SEMA3E: variants seen among roughly 807,000 people sequenced by gnomAD.
The protein encoded by SEMA3E is semaphorin 3E, also known as semaphorin-3E.
In SEMA3E, 49 loss-of-function variants were observed where a neutral mutation model predicts 93.6. The ratio of observed to expected loss-of-function variants is 0.52; its 90% CI spans 0.42 to 0.66. SEMA3E has a LOEUF of 0.66. Among genes scored for constraint, SEMA3E ranks in the 30% least tolerant of loss-of-function variants. The pLI, the probability that SEMA3E is intolerant of heterozygous loss-of-function variation, is 0.00. For synonymous variants in SEMA3E, 363 were observed against 330.7 expected (o/e 1.10, Z -1.06); for missense variants, 906 against 964.8 (o/e 0.94, Z 0.81).
In SEMA3E at chr7:83,491,427, C is replaced by G. The variant is rs147984042; in HGVS notation, c.116-1153G>C. 2.7e-3 allele frequency among the ~76,000 whole-genome samples: 414 copies of G among 151,970 alleles called. 2 individuals carry two copies. Among genetic ancestry groups the G allele is most frequent in the African/African-American group, 8.4e-3 (347 of 41,490 alleles). On this transcript the variant is annotated intron_variant, in intron 1 of 16. Coordinates refer to ENST00000643230, the MANE Select transcript of SEMA3E (RefSeq NM_012431.3). Reference sequence around the variant, plus strand: ...AATATATTCCTTATCTATATCTCTACCCTCAAACTGTTGATGCCCAAAACT... The same window carrying G: ...AATATATTCCTTATCTATATCTCTAGCCTCAAACTGTTGATGCCCAAAACT...
At chr7:83,611,032 C>T (rs73380794) in intron 1 of SEMA3E, among the ~76,000 whole-genome samples, 1,916 of 151,616 alleles carry the variant, frequency 0.013, 45 homozygotes, top group African/African-American at 0.044. Flanking sequence ...TAGGTTGGGG[C>T]AAAAGTAATT....
chr7:83,566,298 A>G (rs1445074123), intron 1 of SEMA3E, among the ~76,000 whole-genome samples: 1 of 151,254 alleles, frequency 6.6e-6, no homozygotes, highest in African/African-American at 2.4e-5. Context: ...GAGCCACTGC[A>G]CCCAGCCCAA....
chr7:83,495,675 G>A (rs1329405155), intron 1 of SEMA3E, among the ~76,000 whole-genome samples: 2 of 151,824 alleles, frequency 1.3e-5, no homozygotes, highest in East Asian at 3.9e-4. Context: ...ACACTGTTCT[G>A]TGAATAGGAC....
At chr7:83,616,681 G>T (rs1197649832) in intron 1 of SEMA3E, 1 of 452,822 alleles carries the variant, frequency 2.2e-6, no homozygotes, top group South Asian at 1.6e-5. Flanking sequence ...GCCCAGATGA[G>T]ATCCCACCTC....
intron 5 of SEMA3E, among the ~76,000 whole-genome samples, chr7:83,409,139 G>A (rs1462228714): frequency 1.3e-5 from 2 of 152,154 alleles, no homozygotes; most frequent in Non-Finnish European, 2.9e-5. Flanking sequence ...GCAACATGTG[G>A]TGGCAGTCAC....
intron 1 of SEMA3E, among the ~76,000 whole-genome samples, chr7:83,547,376 C>G (rs1384770045): frequency 1.3e-5 from 2 of 152,030 alleles, no homozygotes; most frequent in Non-Finnish European, 2.9e-5. Context: ...GCTCTATAAA[C>G]TTTTCTAATT....
intron 9 of SEMA3E, among the ~76,000 whole-genome samples, chr7:83,404,196 T>G (rs1404557176): frequency 6.6e-6 from 1 of 151,966 alleles, no homozygotes; most frequent in African/African-American, 2.4e-5. Flanking sequence ...TAACTATTTT[T>G]CTTTGCATCA....
chr7:83,505,859 CA>C (rs1455840556), intron 1 of SEMA3E, among the ~76,000 whole-genome samples: 1 of 151,070 alleles, frequency 6.6e-6, no homozygotes. Context: ...ATTAAAAATA[CA>C]AAAAATTAGC....
intron 1 of SEMA3E, among the ~76,000 whole-genome samples, chr7:83,570,218 C>T (rs1443063963): frequency 6.6e-6 from 1 of 152,096 alleles, no homozygotes; most frequent in African/African-American, 2.4e-5. Flanking sequence ...ATGCAGCTAA[C>T]GCAGCGTTAA....
At chr7:83,627,628 C>CTTTTTTTTTTTTTTTTTTTTTTTTT (rs746550123) in intron 1 of SEMA3E, among the ~76,000 whole-genome samples, 1 of 65,348 alleles carries the variant, frequency 1.5e-5, no homozygotes, top group Non-Finnish European at 2.6e-5. Flanking sequence ...GCAACCCCTG[C>CTTTTTTTTTTTTTTTTTTTTTTTTT]TTTTTTTTTT....
chr7:83,583,767 T>C (rs1792561536), intron 1 of SEMA3E, among the ~76,000 whole-genome samples: 1 of 152,196 alleles, frequency 6.6e-6, no homozygotes, highest in Admixed American at 6.6e-5. Flanking sequence ...AAAATTTCCC[T>C]CATTATTAAA....
At chr7:83,425,940 T>G (rs368719518) in intron 4 of SEMA3E, among the ~76,000 whole-genome samples, 51,292 of 151,848 alleles carry the variant, frequency 0.34, 10,191 homozygotes, top group African/African-American at 0.54. Flanking sequence ...AATTCTTTCA[T>G]ACATACAAGT....
chr7:83,546,178 G>T (rs543969520), intron 1 of SEMA3E, among the ~76,000 whole-genome samples: 1 of 149,912 alleles, frequency 6.7e-6, no homozygotes, highest in Non-Finnish European at 1.5e-5. Context: ...ATCTATACCA[G>T]TATCTTATAA....
intron 2 of SEMA3E, among the ~76,000 whole-genome samples, chr7:83,483,299 A>G (rs889247237): frequency 2.0e-5 from 3 of 152,164 alleles, no homozygotes; most frequent in African/African-American, 7.2e-5. Context: ...ATCTCAAAAC[A>G]TCATTAACAC....
In SEMA3E at chr7:83,560,989, G is replaced by A. The variant is rs77075435; in HGVS notation, c.116-70715C>T. Among the ~76,000 whole-genome samples the A allele has an allele frequency of 7.5e-3, 1,138 of 151,914 alleles. 9 individuals carry two copies. Among genetic ancestry groups the A allele is most frequent in the African/African-American group, 0.026 (1,095 of 41,460 alleles). ...ATCATAAACTATGATTCAATTTCCT[G>A]GAATTTACTAATTTAGAAATCCTGA... On this transcript the variant is annotated intron_variant, in intron 1 of 16. Transcript: ENST00000643230.
At chr7:83,587,532 C>A (rs951764089) in intron 1 of SEMA3E, among the ~76,000 whole-genome samples, 4 of 152,012 alleles carry the variant, frequency 2.6e-5, no homozygotes, top group Non-Finnish European at 5.9e-5. Flanking sequence ...TAAAAATAAA[C>A]CTTGCTTTGG....
chr7:83,542,480 T>TA (rs1395665905), intron 1 of SEMA3E, among the ~76,000 whole-genome samples: 9 of 152,174 alleles, frequency 5.9e-5, no homozygotes, highest in Non-Finnish European at 5.9e-5. Context: ...TGCAAAGTCT[T>TA]ACAATTTAAA....
At chr7:83,548,737 T>C (rs1473083949) in intron 1 of SEMA3E, among the ~76,000 whole-genome samples, 1 of 152,114 alleles carries the variant, frequency 6.6e-6, no homozygotes, top group Non-Finnish European at 1.5e-5. Flanking sequence ...AGCACACTAA[T>C]ATGTTGTTCC....
chr7:83,445,042 C>T (rs1464286185), intron 4 of SEMA3E, among the ~76,000 whole-genome samples: 1 of 152,084 alleles, frequency 6.6e-6, no homozygotes, highest in Non-Finnish European at 1.5e-5. Flanking sequence ...TTGAAAATTA[C>T]TAACACTGTC....
Sources: allele counts gnomAD v4.1 joint callset (sites outside exome capture counted in the v4.1 genomes callset), GRCh38; gene constraint gnomAD v4.1.1; transcripts MANE v1.5; gene names NCBI Gene and HGNC (gene_info 2026-07-23, HGNC 2026-07-21).